Variants in PGM2 observed in about 807,000 individuals in gnomAD.
PGM2 encodes phosphoglucomutase 2.
PGM2 carries 57 observed loss-of-function variants against 74.6 expected under a neutral mutation model. That is an observed-to-expected ratio of 0.76 (90% confidence interval 0.62 to 0.95). PGM2 has a LOEUF of 0.95. Among genes scored for constraint, PGM2 ranks in the 40% least tolerant of loss-of-function variants. The pLI, the probability that PGM2 is intolerant of heterozygous loss-of-function variation, is 0.00. For missense variants in PGM2, 706 were observed against 741.9 expected (o/e 0.95, Z 0.56); for synonymous variants, 273 against 260.7 (o/e 1.05, Z -0.46).
At chr4:37,851,870 A>G (rs1486720500) in intron 12 of PGM2, among the ~76,000 whole-genome samples, 1 of 152,138 alleles carries the variant, frequency 6.6e-6, no homozygotes, top group Non-Finnish European at 1.5e-5. Context: ...TATTATGACT[A>G]GTAACTGCTG....
intron 6 of PGM2, among the ~76,000 whole-genome samples, chr4:37,842,203 AT>A (rs200968277): frequency 0.013 from 1,718 of 129,592 alleles, 40 homozygotes; most frequent in African/African-American, 0.052. Flanking sequence ...CATATACTAT[AT>A]ATATAAAATA....
chr4:37,850,663 G>A (rs527306141), intron 12 of PGM2, among the ~76,000 whole-genome samples: 3 of 151,760 alleles, frequency 2.0e-5, no homozygotes, highest in South Asian at 4.2e-4. Flanking sequence ...TTAGCTGGGC[G>A]TGGTAAGTTA....
chr4:37,857,117 T>A (rs1270784472), intron 13 of PGM2, among the ~76,000 whole-genome samples: 2 of 152,202 alleles, frequency 1.3e-5, no homozygotes, highest in Admixed American at 1.3e-4. Flanking sequence ...CATACTTGTT[T>A]TCTAATAACT....
chr4:37,843,257 G>A (rs10000528), intron 6 of PGM2, among the ~76,000 whole-genome samples: 12,505 of 152,174 alleles, frequency 0.082, 984 homozygotes, highest in East Asian at 0.19. Flanking sequence ...TTTAATTACT[G>A]TAGGTTTATT....
intron 2 of PGM2, 141 bp from the exon 3 acceptor site, chr4:37,834,476 CT>C: frequency 2.0e-6 from 1 of 494,438 alleles, no homozygotes; most frequent in Non-Finnish European, 3.7e-6. Flanking sequence ...GTTCAGTTTG[CT>C]TCCTTACTGA....
At chr4:37,827,061 CA>C (rs1725312083) in intron 1 of PGM2, among the ~76,000 whole-genome samples, 1 of 152,254 alleles carries the variant, frequency 6.6e-6, no homozygotes, top group Non-Finnish European at 1.5e-5. Context: ...GGCCGGACTG[CA>C]AGTTCGGAGT....
chr4:37,830,141 T>C lies in PGM2; in HGVS notation c.249+10T>C. 6.6e-7 allele frequency: 1 copy of C among 1,518,960 alleles called. No individual in the cohort carries two copies. Among genetic ancestry groups the C allele is most frequent in the Non-Finnish European group, 8.8e-7 (1 of 1,132,272 alleles). 94.1% of individuals were successfully genotyped at this position (1,518,960 alleles called of 1,614,324 possible). ...CATCCAGACTACACAGGTACCATGT[T>C]TTTTATAATTCTTAGTAACTCAATG... On this transcript the variant is annotated intron_variant, in intron 2 of 13. Coordinates refer to ENST00000381967, the MANE Select transcript of PGM2 (RefSeq NM_018290.4).
intron 3 of PGM2, among the ~76,000 whole-genome samples, chr4:37,835,038 C>A (rs1431307343): frequency 6.6e-6 from 1 of 152,034 alleles, no homozygotes; most frequent in Non-Finnish European, 1.5e-5. Flanking sequence ...ACCTCATGAC[C>A]CCCTTCCCTC....
chr4:37,841,100 A>ATATATATATATATATATATATGTG (rs1202149456), intron 6 of PGM2, among the ~76,000 whole-genome samples: 2 of 115,752 alleles, frequency 1.7e-5, no homozygotes, highest in Admixed American at 1.1e-4. Context: ...ATATATATAT[A>ATATATATATATATATATATATGTG]TGTGTGTGTG....
chr4:37,850,383 G>A lies in PGM2; in HGVS notation c.1602+10G>A, dbSNP rs1473183015. On this transcript the variant is annotated intron_variant, in intron 12 of 13. Transcript: ENST00000381967. Reference sequence around the variant, plus strand: ...ACCTGATAAAAAAGCTGTAAGTAATGTCTTCTCTTTTCAACTAACCTCTTT... The same window carrying A: ...ACCTGATAAAAAAGCTGTAAGTAATATCTTCTCTTTTCAACTAACCTCTTT... 6.8e-7 allele frequency: 1 copy of A among 1,460,312 alleles called. No homozygotes were observed. The highest frequency in any genetic ancestry group is 9.2e-7 in the Non-Finnish European group (1 of 1,091,530). The allele number at this position is 1,460,312 out of a possible 1,614,324, so 90.5% of individuals were successfully genotyped here. A position where few individuals can be genotyped will look rare whatever the true frequency, so the allele number is the denominator to read the frequency against.
intron 13 of PGM2, among the ~76,000 whole-genome samples, chr4:37,860,375 T>G (rs972684733): frequency 2.6e-5 from 4 of 152,236 alleles, no homozygotes; most frequent in African/African-American, 9.6e-5. Flanking sequence ...TGGGCCAGGT[T>G]CAGTGCTAAT....
At chr4:37,839,111 A>T (rs1032969587) in intron 4 of PGM2, among the ~76,000 whole-genome samples, 13 of 94,630 alleles carry the variant, frequency 1.4e-4, no homozygotes, top group African/African-American at 4.9e-4. Flanking sequence ...ATTCCCTCAA[A>T]TTTTTTTTTT....
chr4:37,840,040 T>C, intron 5 of PGM2, 26 bp from the exon 6 acceptor site: 1 of 1,594,760 alleles, frequency 6.3e-7, no homozygotes, highest in Non-Finnish European at 8.6e-7. Flanking sequence ...CTGTAAACCT[T>C]CTGAATGTGT....
chr4:37,851,647 T>A (rs6820375), intron 12 of PGM2, among the ~76,000 whole-genome samples: 80,758 of 151,918 alleles, frequency 0.53, 22,120 homozygotes, highest in Non-Finnish European at 0.61. Context: ...GTCCCACCCC[T>A]GCCACCTCAT....
At chr4:37,833,575 T>C (rs1725490185) in intron 2 of PGM2, among the ~76,000 whole-genome samples, 2 of 152,064 alleles carry the variant, frequency 1.3e-5, no homozygotes, top group South Asian at 2.1e-4. Context: ...AAAAGAGTTA[T>C]GTATATTTTA....
chr4:37,831,024 T>C (rs1339811744), intron 2 of PGM2, among the ~76,000 whole-genome samples: 1 of 151,822 alleles, frequency 6.6e-6, no homozygotes, highest in African/African-American at 2.4e-5. Flanking sequence ...TGAAACCCTG[T>C]CTCTACCAAA....
At chr4:37,852,574 CT>C (rs1240502257) in intron 12 of PGM2, among the ~76,000 whole-genome samples, 1 of 152,186 alleles carries the variant, frequency 6.6e-6, no homozygotes, top group Non-Finnish European at 1.5e-5. Context: ...CCGAAAATGT[CT>C]TATTCTGTCC....
At chr4:37,837,736 T>A in intron 4 of PGM2, 123 bp downstream of exon 4, 4 of 714,892 alleles carry the variant, frequency 5.6e-6, no homozygotes, top group Non-Finnish European at 5.1e-6. Context: ...TTCCTTGGCA[T>A]GTATGAGACA....
chr4:37,845,364 A>ATG (rs1298533753), intron 7 of PGM2, among the ~76,000 whole-genome samples: 3 of 152,178 alleles, frequency 2.0e-5, no homozygotes, highest in Non-Finnish European at 4.4e-5. Flanking sequence ...CTACTGGCGC[A>ATG]TGTGCAGCAG....
Sources: allele counts gnomAD v4.1 joint callset (sites outside exome capture counted in the v4.1 genomes callset), GRCh38; gene constraint gnomAD v4.1.1; transcripts MANE v1.5; gene names NCBI Gene and HGNC (gene_info 2026-07-23, HGNC 2026-07-21).